TNRC6A: variants seen among roughly 807,000 people sequenced by gnomAD.
TNRC6A encodes the protein trinucleotide repeat-containing gene 6A protein.
TNRC6A carries 44 observed loss-of-function variants against 221.2 expected under a neutral mutation model. That is an observed-to-expected ratio of 0.20 (90% CI 0.16 to 0.26). TNRC6A has a LOEUF of 0.26. Among genes scored for constraint, TNRC6A ranks in the 10% least tolerant of loss-of-function variants. The pLI, the probability that TNRC6A is intolerant of heterozygous loss-of-function variation, is 1.00. For synonymous variants in TNRC6A, 847 were observed against 838.5 expected (o/e 1.01, Z -0.18); for missense variants, 2,199 against 2,404.4 (o/e 0.91, Z 1.79).
chr16:24,818,767 G>C, intron 21 of TNRC6A, 67 bp downstream of exon 21: 1 of 1,212,964 alleles, frequency 8.2e-7, no homozygotes, highest in Non-Finnish European at 1.2e-6. Flanking sequence ...TTGTTTTAAT[G>C]CCCTCTTCTT....
chr16:24,700,312 T>G (rs1411997393), intron 2 of TNRC6A, among the ~76,000 whole-genome samples: 1 of 151,972 alleles, frequency 6.6e-6, no homozygotes, highest in Admixed American at 6.6e-5. Context: ...CTTGGCTCAC[T>G]GCAATCTCTG....
chr16:24,731,297 T>C (rs935416820), intron 2 of TNRC6A, among the ~76,000 whole-genome samples: 1 of 152,190 alleles, frequency 6.6e-6, no homozygotes, highest in Non-Finnish European at 1.5e-5. Flanking sequence ...TAGGTTTACA[T>C]TGGGGTTTTT....
rs2057747731 is a variant in TNRC6A at position 24,777,341 on chromosome 16, A to G, written c.572A>G (p.Asn191Ser). 2.5e-6 allele frequency: 4 copies of G among 1,610,444 alleles called. No individual in the cohort carries two copies. In the East Asian group the frequency reaches 8.9e-5, roughly 36 times the overall value. ...CCACAAAATAACGGAGAGGTGCAGAACAGCAAAAACCAGTCAGGTGAGAGA... is the reference window on the plus strand; with the variant it reads ...CCACAAAATAACGGAGAGGTGCAGAGCAGCAAAAACCAGTCAGGTGAGAGA... ...QQPQNNGEVQ[N>S]SKNQSDINHS... Residue 191 changes from asparagine (N) to serine (S), a missense_variant, in exon 5 of 25, where the codon AAC (asparagine) becomes AGC (serine). Around this residue, in one of 8 missense-constraint regions of TNRC6A, gnomAD observed 1,405 missense variants for 1,400.2 expected, o/e 1.00. Coordinates refer to ENST00000395799, the MANE Select transcript of TNRC6A (RefSeq NM_014494.4).
intron 4 of TNRC6A, among the ~76,000 whole-genome samples, chr16:24,771,453 CA>C (rs1211292531): frequency 4.6e-5 from 7 of 151,894 alleles, no homozygotes; most frequent in Non-Finnish European, 1.0e-4. Flanking sequence ...ATTAATATTA[CA>C]TGTTTCTTGA....
At chr16:24,666,250 C>T (rs1383381810) in intron 2 of TNRC6A, among the ~76,000 whole-genome samples, 3 of 151,736 alleles carry the variant, frequency 2.0e-5, no homozygotes, top group Non-Finnish European at 2.9e-5. Flanking sequence ...GGGTGGATCA[C>T]GAGGTCAGGA....
Position 24,815,289 on chromosome 16 carries a change from T to C in TNRC6A, c.4815T>C (p.Ser1605=). The change falls in exon 19 of 25, where the codon AGT becomes AGC. Residue 1605 remains serine (S), a synonymous_variant. Coordinates refer to ENST00000395799, the MANE Select transcript of TNRC6A (RefSeq NM_014494.4). ...PRAKSPNGSS[S]VNWPPEFRPG... ...CCAAATCGCCTAACGGCTCTAGCAG[T>C]GTTAATTGGCCACCAGGTAAAATTT... is the stretch of plus-strand genomic sequence containing the variant. 6.2e-7 allele frequency: 1 copy of C among 1,614,190 alleles called. No individual in the cohort carries two copies. Among genetic ancestry groups the C allele is most frequent in the South Asian group, 1.1e-5 (1 of 91,078 alleles).
rs1242618088 is a variant in TNRC6A at position 24,826,215 on chromosome 16, A to G, written c.*2408A>G. 1.3e-5 allele frequency: 2 copies of G among 152,502 alleles called. No homozygotes were observed. Among genetic ancestry groups the G allele is most frequent in the Non-Finnish European group, 2.9e-5 (2 of 68,034 alleles). The allele number at this position is 152,502 out of a possible 1,614,324, so 9.4% of individuals were successfully genotyped here. Reference sequence around the variant, plus strand: ...TATGTGGAAATAAAGTGTTTGATTTAAAATTTTTTAAAGTGGTTTGGATCT... The same window carrying G: ...TATGTGGAAATAAAGTGTTTGATTTGAAATTTTTTAAAGTGGTTTGGATCT... On this transcript the variant is annotated 3_prime_UTR_variant, in exon 25 of 25. Coordinates refer to ENST00000395799, the MANE Select transcript of TNRC6A (RefSeq NM_014494.4).
At chr16:24,699,949 AC>A (rs869069701) in intron 2 of TNRC6A, among the ~76,000 whole-genome samples, 1 of 140,462 alleles carries the variant, frequency 7.1e-6, no homozygotes, top group Non-Finnish European at 1.6e-5. Context: ...AGTAGCAGAG[AC>A]AGGCTTTAAA....
At chr16:24,741,349 T>C (rs2056888208) in intron 2 of TNRC6A, among the ~76,000 whole-genome samples, 1 of 152,236 alleles carries the variant, frequency 6.6e-6, no homozygotes, top group Admixed American at 6.5e-5. Flanking sequence ...TGTAAAAGGA[T>C]ACTGGATTTT....
rs148477330 is a variant in TNRC6A at position 24,816,709 on chromosome 16, A to G, written c.4832-107A>G. The G allele has an allele frequency of 7.7e-6, 10 of 1,301,700 alleles. No individual in the cohort carries two copies. In the African/African-American group the frequency reaches 8.9e-5, roughly 12 times the overall value. 80.6% of individuals were successfully genotyped at this position (1,301,700 alleles called of 1,614,324 possible). On this transcript the variant is annotated intron_variant, in intron 19 of 24. Transcript: ENST00000395799. ...CTTAGAGTATTAGTGTAAATTGGAA[A>G]GTATTTGAGAGTTGCATAGGATTCA...
chr16:24,804,545 G>A, intron 12 of TNRC6A, 160 bp from the exon 13 acceptor site: 2 of 1,219,176 alleles, frequency 1.6e-6, no homozygotes, highest in Admixed American at 2.7e-5. Flanking sequence ...GGCTCTTTTT[G>A]TGTGCTCTAG....
intron 8 of TNRC6A, 68 bp from the exon 9 acceptor site, chr16:24,795,839 T>C (rs926535719): frequency 8.0e-5 from 116 of 1,452,184 alleles, no homozygotes; most frequent in Non-Finnish European, 1.0e-4. Context: ...AGTTTAGGTC[T>C]TCCAGTTCCA....
At chr16:24,702,879 C>CA (rs34112911) in intron 2 of TNRC6A, among the ~76,000 whole-genome samples, 36,967 of 151,378 alleles carry the variant, frequency 0.24, 4,939 homozygotes, top group Non-Finnish European at 0.31. Flanking sequence ...ACTAAAAATA[C>CA]AAAAAATTAG....
intron 2 of TNRC6A, among the ~76,000 whole-genome samples, chr16:24,710,807 G>A (rs61366617): frequency 0.26 from 38,383 of 150,330 alleles, 8,136 homozygotes; most frequent in East Asian, 0.72. Flanking sequence ...CGCCTCCCGA[G>A]TTCAAGTGAT....
intron 10 of TNRC6A, 30 bp downstream of exon 10, chr16:24,797,600 T>C: frequency 6.7e-7 from 1 of 1,488,560 alleles, no homozygotes; most frequent in Non-Finnish European, 9.3e-7. Flanking sequence ...AGCTCCTTCC[T>C]CTTTTAATGG....
chr16:24,695,678 G>A (rs536211333), intron 2 of TNRC6A, among the ~76,000 whole-genome samples: 6 of 152,192 alleles, frequency 3.9e-5, no homozygotes, highest in Non-Finnish European at 5.9e-5. Context: ...GATTACAGGC[G>A]TGAGCCACCC....
intron 1 of TNRC6A, among the ~76,000 whole-genome samples, chr16:24,614,969 G>A (rs1449141408): frequency 6.6e-6 from 1 of 152,192 alleles, no homozygotes; most frequent in Non-Finnish European, 1.5e-5. Context: ...GGAGGCTGAG[G>A]CAAGAGAATT....
At chr16:24,768,562 T>C (rs1422869343) in intron 4 of TNRC6A, among the ~76,000 whole-genome samples, 1 of 152,230 alleles carries the variant, frequency 6.6e-6, no homozygotes, top group Non-Finnish European at 1.5e-5. Flanking sequence ...TCTTGTCTTT[T>C]AGGAGCTTAA....
chr16:24,709,887 T>C lies in TNRC6A; in HGVS notation n.403-40839T>C, dbSNP rs75029014. ...CGGCTATTCCACTTCGATGATTCTCTGTCACAGGTGTCTTAAATACATGAA... is the reference window on the plus strand; with the variant it reads ...CGGCTATTCCACTTCGATGATTCTCCGTCACAGGTGTCTTAAATACATGAA... On this transcript the variant is annotated intron_variant and non_coding_transcript_variant, in intron 2 of 2. Coordinates refer to the TNRC6A transcript ENST00000566108. 2.6e-3 allele frequency among the ~76,000 whole-genome samples: 387 copies of C among 151,722 alleles called. 4 individuals are homozygous for C. Among genetic ancestry groups the C allele is most frequent in the African/African-American group, 9.0e-3 (374 of 41,348 alleles).
Sources: gnomAD v4.1 joint callset for allele counts (sites outside exome capture counted in the v4.1 genomes callset) on GRCh38, gnomAD v4.1.1 for gene constraint, gnomAD v4.1.1 regional missense constraint, MANE v1.5 for transcripts, NCBI Gene and HGNC (gene_info 2026-07-23, HGNC 2026-07-21) for gene names.